Variants in SHROOM2 observed in about 807,000 individuals in gnomAD.
The protein encoded by SHROOM2 is protein Shroom2.
A neutral mutation model predicts 75.9 loss-of-function variants in SHROOM2; 33 were observed. That is an observed-to-expected ratio of 0.43 (90% CI 0.33 to 0.58). The LOEUF is 0.58. Among genes scored for constraint, SHROOM2 ranks in the 20% least tolerant of loss-of-function variants. SHROOM2 has a pLI of 0.04. For synonymous variants in SHROOM2, 655 were observed against 663.6 expected (o/e 0.99, Z 0.20); for missense variants, 1,434 against 1,461.2 (o/e 0.98, Z 0.30).
chrX:9,926,079 A>G (rs12394607), intron 5 of SHROOM2, among the ~76,000 whole-genome samples: 10,597 of 111,557 alleles, frequency 0.095, 1,249 homozygotes, highest in African/African-American at 0.33. Context: ...TGCCTGGCTC[A>G]TAGGAAGCCC....
At position 9,895,054 on chromosome X, in the gene SHROOM2, G is replaced by T; in HGVS notation, c.1146G>T (p.Ser382=). 3 of 1,205,937 alleles carry T rather than the reference G, an allele frequency of 2.5e-6. No homozygotes were observed. The highest frequency in any genetic ancestry group is 3.6e-5 in the South Asian group (2 of 56,186). The change falls in exon 4 of 10, where the codon TCG becomes TCT. Residue 382 remains serine, a synonymous_variant. Transcript: ENST00000380913. The part of the protein sequence containing the change: ...SAHPGSLGKG[S]GGPGCPQEAH... Reference sequence around the variant, plus strand: ...ACCCGGGGAGCCTCGGGAAGGGATCGGGAGGCCCGGGCTGCCCACAGGAGG... The same window carrying T: ...ACCCGGGGAGCCTCGGGAAGGGATCTGGAGGCCCGGGCTGCCCACAGGAGG...
chrX:9,796,832 G>T (rs900974675), intron 1 of SHROOM2, among the ~76,000 whole-genome samples: 3 of 110,574 alleles, frequency 2.7e-5, no homozygotes, highest in Non-Finnish European at 5.7e-5. Flanking sequence ...TTCTGTAGAG[G>T]TAGGGTTTCG....
At chrX:9,912,570 G>A (rs758844614) in intron 5 of SHROOM2, 2 of 111,652 alleles carry the variant, frequency 1.8e-5, no homozygotes, top group South Asian at 3.9e-4. Context: ...ACAGCTGGGC[G>A]AACTCCCATC....
intron 5 of SHROOM2, among the ~76,000 whole-genome samples, chrX:9,911,249 G>C (rs930999403): frequency 9.0e-6 from 1 of 111,693 alleles, no homozygotes; most frequent in African/African-American, 3.3e-5. Flanking sequence ...TGACCTCACG[G>C]CCCTGGATCA....
At chrX:9,864,220 C>T (rs973088908) in intron 1 of SHROOM2, among the ~76,000 whole-genome samples, 7 of 111,336 alleles carry the variant, frequency 6.3e-5, no homozygotes, top group Non-Finnish European at 1.3e-4. Context: ...CAGTCACTCA[C>T]CGTTATCAGC....
chrX:9,939,375 G>C lies in SHROOM2; in HGVS notation c.4311+9G>C, dbSNP rs747087791. The C allele has an allele frequency of 8.4e-7, 1 of 1,190,873 alleles. No individual in the cohort carries two copies. Among genetic ancestry groups the C allele is most frequent in the African/African-American group, 1.8e-5 (1 of 56,963 alleles). On this transcript the variant is annotated intron_variant, in intron 8 of 9. Coordinates refer to ENST00000380913, the MANE Select transcript of SHROOM2 (RefSeq NM_001649.4). ...ACCTGTCGGTGAAGAAGGTAGGAGA[G>C]TCCATTCCAAATGACAGCGTGTGCG...
intron 5 of SHROOM2, among the ~76,000 whole-genome samples, chrX:9,924,829 A>AT (rs1180750610): frequency 1.0e-3 from 112 of 107,094 alleles, no homozygotes; most frequent in African/African-American, 3.1e-3. Context: ...CTAATTTTTA[A>AT]TTTTTTTTTT....
At chrX:9,916,917 C>T (rs1288799898) in intron 5 of SHROOM2, among the ~76,000 whole-genome samples, 1 of 111,733 alleles carries the variant, frequency 8.9e-6, no homozygotes, top group East Asian at 2.8e-4. Flanking sequence ...AGCGTTGTCG[C>T]CCTTGCACCT....
chrX:9,944,778 C>A lies in SHROOM2; in HGVS notation c.4449C>A (p.Ser1483Arg). ...EAIVKGVCKP[S>R]EFDKFRMFIG... is the part of the protein sequence containing the mutation. ...TCGTGAAAGGCGTCTGCAAGCCCAGCGAGTTTGACAAGTTCCGGATGTTCA... is the reference window on the plus strand; with the variant it reads ...TCGTGAAAGGCGTCTGCAAGCCCAGAGAGTTTGACAAGTTCCGGATGTTCA... The change falls in exon 9 of 10, where the codon AGC becomes AGA. Residue 1483 changes from serine (S) to arginine (R), a missense_variant. This residue lies in a region of SHROOM2 where 14 missense variants were observed against 34.5 expected (regional missense o/e 0.41). Coordinates refer to ENST00000380913, the MANE Select transcript of SHROOM2 (RefSeq NM_001649.4). 8.2e-7 allele frequency: 1 copy of A among 1,212,316 alleles called. No individual in the cohort carries two copies.
intron 1 of SHROOM2, among the ~76,000 whole-genome samples, chrX:9,857,136 T>A (rs749659417): frequency 3.6e-5 from 4 of 112,546 alleles, no homozygotes; most frequent in Non-Finnish European, 7.5e-5. Context: ...GAAGGTGACA[T>A]GCTAATGAAG....
At chrX:9,880,372 G>A (rs968382511) in intron 2 of SHROOM2, among the ~76,000 whole-genome samples, 1 of 113,087 alleles carries the variant, frequency 8.8e-6, no homozygotes, top group African/African-American at 3.2e-5. Flanking sequence ...CACACTGAGC[G>A]GGTCCCCTCT....
At chrX:9,881,779 A>T (rs1227843406) in intron 2 of SHROOM2, among the ~76,000 whole-genome samples, 17 of 111,842 alleles carry the variant, frequency 1.5e-4, no homozygotes, top group Non-Finnish European at 3.8e-5. Context: ...GTCTGGGCTC[A>T]ATGTTTCTTT....
chrX:9,840,739 G>T (rs1373075445), intron 1 of SHROOM2, among the ~76,000 whole-genome samples: 1 of 111,921 alleles, frequency 8.9e-6, no homozygotes, highest in Admixed American at 9.6e-5. Flanking sequence ...AAGGGAAGAA[G>T]AATTGAGAGT....
rs147797552 is a variant in SHROOM2, at chrX:9,804,272, G to A, written c.165+17562G>A. Among the ~76,000 whole-genome samples the A allele has an allele frequency of 4.8e-4, 54 of 111,582 alleles. 1 individual carries two copies. The East Asian group carries it at 0.015, about 31-fold the overall frequency. ...TCTGAGTCTCAAGCAGGGCAAGGCT[G>A]GGTGCAGTCAGCTCTGTGGCCTGCT... On this transcript the variant is annotated intron_variant, in intron 1 of 9. Coordinates refer to ENST00000380913, the MANE Select transcript of SHROOM2 (RefSeq NM_001649.4).
chrX:9,940,645 A>G (rs894919858), intron 8 of SHROOM2, among the ~76,000 whole-genome samples: 1 of 112,279 alleles, frequency 8.9e-6, no homozygotes, highest in African/African-American at 3.2e-5. Context: ...CCACTGCTGC[A>G]TTACATTTTC....
In SHROOM2 at chrX:9,947,182, G is replaced by C; in HGVS notation, c.*245G>C. The C allele has an allele frequency of 5.0e-6, 2 of 396,076 alleles. No individual in the cohort carries two copies. The highest frequency in any genetic ancestry group is 8.7e-6 in the Non-Finnish European group (2 of 230,579). The allele number at this position is 396,076 out of a possible 1,213,427, so 32.6% of individuals were successfully genotyped here. A position where few individuals can be genotyped will look rare whatever the true frequency, so the allele number is the denominator to read the frequency against. On this transcript the variant is annotated 3_prime_UTR_variant, in exon 10 of 10. Transcript: ENST00000380913. ...ATAACTACACCTGACACCAGGCTCTGCTGGATGTGAGTTTCCACTGCATGG... is the reference window on the plus strand; with the variant it reads ...ATAACTACACCTGACACCAGGCTCTCCTGGATGTGAGTTTCCACTGCATGG...
At chrX:9,853,044 G>A (rs756968647) in intron 1 of SHROOM2, among the ~76,000 whole-genome samples, 1 of 112,002 alleles carries the variant, frequency 8.9e-6, no homozygotes, top group African/African-American at 3.2e-5. Flanking sequence ...ATTGTGGATG[G>A]TTTCCTCTTT....
At chrX:9,791,968 C>CGAGAATAGAATAGAAGAGAA (rs1569132558) in intron 1 of SHROOM2, among the ~76,000 whole-genome samples, 1 of 62,802 alleles carries the variant, frequency 1.6e-5, no homozygotes, top group Non-Finnish European at 3.2e-5. Flanking sequence ...AACTCCATCT[C>CGAGAATAGAATAGAAGAGAA]GAGAATAGAA....
intron 5 of SHROOM2, among the ~76,000 whole-genome samples, chrX:9,913,522 G>A (rs1276876402): frequency 1.8e-5 from 2 of 112,510 alleles, no homozygotes; most frequent in Admixed American, 1.9e-4. Flanking sequence ...TGGTTGGAAT[G>A]CCTTTGCTTT....
Sources: allele counts gnomAD v4.1 joint callset (sites outside exome capture counted in the v4.1 genomes callset), GRCh38; gene constraint gnomAD v4.1.1; regional missense constraint gnomAD v4.1.1; transcripts MANE v1.5; gene names NCBI Gene and HGNC (gene_info 2026-07-23, HGNC 2026-07-21).